The following ZNF331 variants were observed in gnomAD, a reference collection of about 807,000 sequenced individuals.
The protein encoded by ZNF331 is zinc finger protein 331.
In ZNF331, 2 loss-of-function variants were observed where a neutral mutation model predicts 7.0. That is an observed-to-expected ratio of 0.29 (90% confidence interval 0.12 to 0.90). The LOEUF (loss-of-function observed/expected upper bound fraction) is 0.90. Ranked by LOEUF, ZNF331 falls within the 40% of genes least tolerant of loss-of-function variation. ZNF331 has a pLI of 0.58. For missense variants in ZNF331, 432 were observed against 587.7 expected, an observed-to-expected ratio of 0.74 and a Z score of 2.74; for synonymous variants, 196 against 205.4, an observed-to-expected ratio of 0.95 and a Z score of 0.39.
intron 3 of ZNF331, among the ~76,000 whole-genome samples, 162 bp downstream of exon 3, chr19:53,556,070 C>T (rs534114421): frequency 6.6e-6 from 1 of 151,660 alleles, no homozygotes; most frequent in South Asian, 2.1e-4. Flanking sequence ...CGGTGAAACC[C>T]CGTCTCTACT....
At chr19:53,566,377 C>G (rs564928174) in intron 3 of ZNF331, among the ~76,000 whole-genome samples, 121 of 152,272 alleles carry the variant, frequency 7.9e-4, no homozygotes, top group African/African-American at 2.7e-3. Flanking sequence ...GCTGCAACCT[C>G]TGCCCCCTGG....
chr19:53,546,860 C>T (rs1034022370), intron 2 of ZNF331, among the ~76,000 whole-genome samples: 2 of 152,140 alleles, frequency 1.3e-5, no homozygotes, highest in Non-Finnish European at 2.9e-5. Flanking sequence ...GGGCGGACAG[C>T]TTCTGTTTTT....
Position 53,578,210 on chromosome 19 carries a change from A to G in ZNF331, c.*258A>G. ...CCACCCACCCTGCTAGTGACTTAGT[A>G]GCCGTCTTGGTGATCAGATCAACTA... On this transcript the variant is annotated 3_prime_UTR_variant, in exon 6 of 6. Coordinates refer to ENST00000449416, the MANE Select transcript of ZNF331 (RefSeq NM_001079906.2). The G allele has an allele frequency of 2.3e-6, 1 of 443,638 alleles. No homozygotes were observed. The allele number at this position is 443,638 out of a possible 1,614,324, so 27.5% of individuals were successfully genotyped here.
upstream of ZNF331, chr19:53,536,190 A>G (rs1395021790): frequency 6.6e-6 from 1 of 152,214 alleles, no homozygotes; most frequent in Non-Finnish European, 1.5e-5. Context: ...TGTTACTTTT[A>G]TGAAAATGGA....
chr19:53,531,591 C>T (rs1176818468), intron 2 of ZNF331, among the ~76,000 whole-genome samples: 1 of 152,160 alleles, frequency 6.6e-6, no homozygotes, highest in Non-Finnish European at 1.5e-5. Flanking sequence ...CATATCACAG[C>T]CAGAAAGTAG....
Position 53,579,542 on chromosome 19 carries a change from T to A in ZNF331, c.*1590T>A, listed in dbSNP as rs1880224521. ...AGTGTAACTGGAATATTGTGTAATT[T>A]TAATAAATAATAACTATTGTTGTTT... is the stretch of plus-strand genomic sequence containing the variant. On this transcript the variant is annotated 3_prime_UTR_variant, in exon 6 of 6. Coordinates refer to ENST00000449416, the MANE Select transcript of ZNF331 (RefSeq NM_001079906.2). 4.9e-6 allele frequency: 1 copy of A among 203,768 alleles called. No individual in the cohort carries two copies. Among genetic ancestry groups the A allele is most frequent in the African/African-American group, 2.3e-5 (1 of 43,638 alleles). 12.6% of individuals were successfully genotyped at this position (203,768 alleles called of 1,614,324 possible).
At chr19:53,572,116 G>A (rs1312740966) in intron 5 of ZNF331, among the ~76,000 whole-genome samples, 1 of 152,134 alleles carries the variant, frequency 6.6e-6, no homozygotes, top group Non-Finnish European at 1.5e-5. Flanking sequence ...ACAGTGCCCT[G>A]AATTGTTCTA....
intron 2 of ZNF331, among the ~76,000 whole-genome samples, chr19:53,524,535 T>C (rs192500588): frequency 0.013 from 1,930 of 152,372 alleles, 19 homozygotes; most frequent in Non-Finnish European, 0.019. Flanking sequence ...CATTTTTTCA[T>C]GTGTCTGTTG....
intron 2 of ZNF331, among the ~76,000 whole-genome samples, chr19:53,544,161 A>G (rs975544452): frequency 2.6e-4 from 39 of 150,394 alleles, no homozygotes; most frequent in African/African-American, 9.3e-4. Context: ...CGGGAGGCGG[A>G]GGTTGCAGTG....
chr19:53,516,062 G>A (rs535246235), upstream of ZNF331, among the ~76,000 whole-genome samples: 5 of 152,296 alleles, frequency 3.3e-5, no homozygotes, highest in African/African-American at 1.2e-4. Flanking sequence ...AATATTGCAT[G>A]ATATTCATTT....
the ZNF331 span, among the ~76,000 whole-genome samples, chr19:53,513,436 C>T: frequency 6.6e-6 from 1 of 152,034 alleles, no homozygotes; most frequent in Non-Finnish European, 1.5e-5. Flanking sequence ...AAGGCAACTC[C>T]ATGTTTTTTA....
intron 2 of ZNF331, among the ~76,000 whole-genome samples, chr19:53,541,386 G>A (rs746113005): frequency 1.3e-5 from 2 of 152,048 alleles, no homozygotes; most frequent in South Asian, 2.1e-4. Flanking sequence ...GATTACAGGC[G>A]TGAGCCACCG....
At chr19:53,572,417 C>T (rs2090487536) in intron 5 of ZNF331, among the ~76,000 whole-genome samples, 1 of 151,664 alleles carries the variant, frequency 6.6e-6, no homozygotes, top group Admixed American at 6.6e-5. Context: ...CACTTGAGCC[C>T]AGGAGTTGAA....
intron 2 of ZNF331, among the ~76,000 whole-genome samples, chr19:53,528,897 G>C (rs544727755): frequency 6.6e-6 from 1 of 151,956 alleles, no homozygotes; most frequent in East Asian, 2.0e-4. Context: ...CGATTCTCCT[G>C]CCTCAGCCTC....
At chr19:53,546,551 A>T (rs2088630054) in intron 2 of ZNF331, among the ~76,000 whole-genome samples, 1 of 152,024 alleles carries the variant, frequency 6.6e-6, no homozygotes, top group South Asian at 2.1e-4. Flanking sequence ...TAAAAAAAAA[A>T]AAAACAACTC....
In ZNF331 at chr19:53,573,131, A is replaced by AT. The variant is rs1327884763; in HGVS notation, c.136+1402dup. Among the ~76,000 whole-genome samples the AT allele has an allele frequency of 6.6e-6, 1 of 152,102 alleles. No individual in the cohort carries two copies. Among genetic ancestry groups the AT allele is most frequent in the Non-Finnish European group, 1.5e-5 (1 of 68,024 alleles). On this transcript the variant is annotated intron_variant, in intron 5 of 5. Transcript: ENST00000449416. This position sits in a 1 kb window ranked among gnomAD's most constrained non-coding sequence, Gnocchi z 4.2. ...CTACTCCGGAGGCTGGTGCAGGAGA[A>AT]TCATTTGAACCTGGGAAGCAGAGGT...
chr19:53,565,488 C>A (rs572774299), intron 3 of ZNF331, among the ~76,000 whole-genome samples: 1 of 152,112 alleles, frequency 6.6e-6, no homozygotes, highest in South Asian at 2.1e-4. Flanking sequence ...GTGTGAACCA[C>A]TATGTCTGGC....
intron 2 of ZNF331, among the ~76,000 whole-genome samples, chr19:53,528,477 A>G (rs548107903): frequency 2.0e-4 from 30 of 152,336 alleles, no homozygotes; most frequent in African/African-American, 6.0e-4. Flanking sequence ...ATCTTACTTG[A>G]TAATTGAGAT....
chr19:53,534,074 G>C (rs1352147788), upstream of ZNF331, among the ~76,000 whole-genome samples: 5 of 152,106 alleles, frequency 3.3e-5, no homozygotes, highest in Non-Finnish European at 1.5e-5. Flanking sequence ...CAGCCAAAAC[G>C]GACTAAGACA....
Sources: gnomAD v4.1 joint callset for allele counts (sites outside exome capture counted in the v4.1 genomes callset) on GRCh38, gnomAD v4.1.1 for gene constraint, Gnocchi (gnomAD v3.1) non-coding constraint, MANE v1.5 for transcripts, NCBI Gene and HGNC (gene_info 2026-07-23, HGNC 2026-07-21) for gene names.